Variants in WDPCP observed in about 807,000 individuals in gnomAD.
WDPCP encodes WD repeat-containing and planar cell polarity effector protein fritz homolog.
WDPCP carries 71 observed loss-of-function variants against 93.1 expected under a neutral mutation model. The observed-to-expected ratio is 0.76, with a 90% CI of 0.63 to 0.93. WDPCP has a LOEUF of 0.93. Ranked by LOEUF, WDPCP falls within the 40% of genes least tolerant of loss-of-function variation. The pLI is 0.00. For synonymous variants in WDPCP, 315 were observed against 315.0 expected (o/e 1.00, Z 0.00); for missense variants, 844 against 887.4 (o/e 0.95, Z 0.62).
chr2:63,565,619 A>C (rs1408401137), intron 1 of WDPCP, among the ~76,000 whole-genome samples: 1 of 152,200 alleles, frequency 6.6e-6, no homozygotes, highest in Non-Finnish European at 1.5e-5. Flanking sequence ...TAATGAATAA[A>C]TTACTATATT....
chr2:63,215,668 A>G (rs1181431011), intron 14 of WDPCP, among the ~76,000 whole-genome samples: 1 of 152,358 alleles, frequency 6.6e-6, no homozygotes, highest in East Asian at 1.9e-4. Flanking sequence ...TTCATGTCTA[A>G]AACACCAAAA....
intron 2 of WDPCP, among the ~76,000 whole-genome samples, chr2:63,687,313 A>C (rs2103655150): frequency 6.6e-6 from 1 of 152,350 alleles, no homozygotes; most frequent in African/African-American, 2.4e-5. Flanking sequence ...AGGCAACCAA[A>C]GCAAAAATGG....
At chr2:63,255,476 C>A (rs1681057831) in intron 14 of WDPCP, among the ~76,000 whole-genome samples, 1 of 152,066 alleles carries the variant, frequency 6.6e-6, no homozygotes, top group African/African-American at 2.4e-5. Context: ...TGGTGCCCTC[C>A]CCATGGTAAG....
At chr2:63,594,455 C>T (rs371816428) in intron 3 of WDPCP, 5 of 1,433,932 alleles carry the variant, frequency 3.5e-6, no homozygotes, top group South Asian at 3.4e-5. Context: ...TACAGTAGTA[C>T]TTAAAGATGT....
At chr2:63,290,104 A>G (rs183865162) in intron 13 of WDPCP, among the ~76,000 whole-genome samples, 54 of 151,808 alleles carry the variant, frequency 3.6e-4, no homozygotes, top group Admixed American at 3.3e-3. Context: ...ATTTATTAAT[A>G]TATTTGGGGT....
chr2:63,201,797 A>C (rs1433361248), intron 14 of WDPCP, among the ~76,000 whole-genome samples: 1 of 152,116 alleles, frequency 6.6e-6, no homozygotes, highest in Non-Finnish European at 1.5e-5. Flanking sequence ...CTTCAAATAT[A>C]TTTGCATAGA....
chr2:63,534,685 A>G (rs1015923419), intron 1 of WDPCP, among the ~76,000 whole-genome samples: 10 of 152,254 alleles, frequency 6.6e-5, no homozygotes, highest in Admixed American at 2.0e-4. Flanking sequence ...AACTCTGAAT[A>G]AACTAGGTAT....
At chr2:63,548,574 C>T (rs538714772) in intron 1 of WDPCP, among the ~76,000 whole-genome samples, 1 of 152,168 alleles carries the variant, frequency 6.6e-6, no homozygotes, top group African/African-American at 2.4e-5. Context: ...TCTTCTAAAA[C>T]TCAATTTGGA....
In WDPCP at chr2:63,705,350, G is replaced by A. The variant is rs1023963160; in HGVS notation, n.309-54512C>T. On this transcript the variant is annotated intron_variant and non_coding_transcript_variant, in intron 2 of 4. Transcript: ENST00000467687. ...TCTTGCCTTCTGCTAGCTTTTGAAT[G>A]TGTTTGCTCTTGCTTCTCTAGTTCT... Among the ~76,000 whole-genome samples the A allele has an allele frequency of 2.0e-5, 3 of 152,126 alleles. 1 individual carries two copies. The highest frequency in any genetic ancestry group is 2.0e-4 in the Admixed American group (3 of 15,250).
chr2:63,253,500 CA>C (rs1680905182), intron 14 of WDPCP, among the ~76,000 whole-genome samples: 1 of 151,958 alleles, frequency 6.6e-6, no homozygotes, highest in African/African-American at 2.4e-5. Context: ...ATGCATTTAA[CA>C]AAGGACTAAT....
intron 1 of WDPCP, among the ~76,000 whole-genome samples, chr2:63,817,020 G>A (rs1341181649): frequency 1.3e-5 from 2 of 152,098 alleles, no homozygotes; most frequent in African/African-American, 4.8e-5. Context: ...CTGGGGCAAT[G>A]GAAATATTCT....
intron 12 of WDPCP, among the ~76,000 whole-genome samples, chr2:63,338,094 T>C (rs1050810098): frequency 1.6e-4 from 25 of 152,214 alleles, no homozygotes; most frequent in African/African-American, 6.0e-4. Context: ...CCCAGAGCCT[T>C]TCCCTAATGA....
At chr2:63,729,335 T>TA (rs769350512) in intron 2 of WDPCP, among the ~76,000 whole-genome samples, 36 of 152,124 alleles carry the variant, frequency 2.4e-4, no homozygotes, top group East Asian at 5.8e-4. Flanking sequence ...CAAAAAATGA[T>TA]AAAAAAAATA....
At chr2:63,829,496 C>T (rs75375401), upstream of WDPCP, among the ~76,000 whole-genome samples, 685 of 152,230 alleles carry the variant, frequency 4.5e-3, 9 homozygotes, top group African/African-American at 0.016. Flanking sequence ...GAATTTAGCT[C>T]AGTTCCAGTA....
upstream of WDPCP, chr2:63,589,424 T>G: frequency 6.5e-7 from 1 of 1,529,482 alleles, no homozygotes; most frequent in Non-Finnish European, 8.9e-7. Flanking sequence ...TAACCCCTTT[T>G]TCTCCTCATT....
At chr2:63,350,278 C>T (rs769719266) in intron 12 of WDPCP, among the ~76,000 whole-genome samples, 4 of 151,978 alleles carry the variant, frequency 2.6e-5, no homozygotes, top group South Asian at 2.1e-4. Context: ...CATCCCACAC[C>T]GGGGCATGTC....
At chr2:63,131,393 C>A (rs747020417) in intron 17 of WDPCP, among the ~76,000 whole-genome samples, 1 of 151,894 alleles carries the variant, frequency 6.6e-6, no homozygotes, top group Non-Finnish European at 1.5e-5. Context: ...ATTGTGATTA[C>A]GTAACACATT....
At chr2:63,490,738 C>T (rs185711196) in intron 2 of WDPCP, among the ~76,000 whole-genome samples, 3 of 152,152 alleles carry the variant, frequency 2.0e-5, no homozygotes, top group African/African-American at 7.2e-5. Context: ...AACTTGAGGA[C>T]ACATGGAGGG....
intron 6 of WDPCP, chr2:63,442,498 G>C (rs1272386375): frequency 6.6e-6 from 1 of 152,030 alleles, no homozygotes; most frequent in Non-Finnish European, 1.5e-5. Flanking sequence ...TCATCCCTTT[G>C]AATCCTATAT....
Sources: allele counts gnomAD v4.1 joint callset (sites outside exome capture counted in the v4.1 genomes callset), GRCh38; gene constraint gnomAD v4.1.1; transcripts MANE v1.5; gene names NCBI Gene and HGNC (gene_info 2026-07-23, HGNC 2026-07-21).